The following STK32A variants were observed in gnomAD, a reference collection of about 807,000 sequenced individuals.
The protein encoded by STK32A is serine/threonine-protein kinase 32A.
Under a neutral mutation model 53.2 loss-of-function variants are expected in STK32A, and 41 were observed. That is an observed-to-expected ratio of 0.77 (90% CI 0.60 to 1.00). The LOEUF (loss-of-function observed/expected upper bound fraction) is 1.00. Ranked by LOEUF, STK32A falls within the 50% of genes least tolerant of loss-of-function variation. The pLI, the probability that STK32A is intolerant of heterozygous loss-of-function variation, is 0.00. For missense variants in STK32A, 458 were observed against 485.8 expected (o/e 0.94, Z 0.54); for synonymous variants, 166 against 162.8 (o/e 1.02, Z -0.15).
In STK32A at chr5:147,282,072, C is replaced by T. The variant is rs567215732; in HGVS notation, c.260+2674C>T. ...CAAATGCTGAGAGAAATTGCCATTA[C>T]CAAGTCACCACTACAAGAACCGCTA... On this transcript the variant is annotated intron_variant, in intron 4 of 12. Transcript: ENST00000397936. Among the ~76,000 whole-genome samples, 3 of 152,222 alleles carry T rather than the reference C, an allele frequency of 2.0e-5. No homozygotes were observed. In the South Asian group the frequency reaches 6.2e-4, roughly 32 times the overall value.
rs73794707 is a variant in STK32A, at chr5:147,384,511, A to G, written c.*528A>G. 7.8e-7 allele frequency: 1 copy of G among 1,275,186 alleles called. No homozygotes were observed. Among genetic ancestry groups the G allele is most frequent in the Non-Finnish European group, 1.1e-6 (1 of 915,256 alleles). The allele number at this position is 1,275,186 out of a possible 1,614,324, so 79.0% of individuals were successfully genotyped here. ...AGGGAGGCATGAATGGAATCAGATT[A>G]AAAGTAACAGAGATGGATGAGGGCC... On this transcript the variant is annotated 3_prime_UTR_variant, in exon 13 of 13. Transcript: ENST00000397936.
At chr5:147,256,726 G>A (rs776739539) in intron 2 of STK32A, among the ~76,000 whole-genome samples, 1 of 152,048 alleles carries the variant, frequency 6.6e-6, no homozygotes, top group Admixed American at 6.6e-5. Flanking sequence ...TGGTCAGGCT[G>A]GTCTTGAACT....
At chr5:147,278,247 A>G (rs1217329410) in intron 3 of STK32A, 68 bp downstream of exon 3, 2 of 1,311,334 alleles carry the variant, frequency 1.5e-6, no homozygotes, top group East Asian at 2.5e-5. Context: ...GGGTCCAGAA[A>G]TGTTCACATT....
chr5:147,400,678 C>T, the STK32A span: 4 of 1,613,052 alleles, frequency 2.5e-6, no homozygotes, highest in South Asian at 4.4e-5. Context: ...CCTCCCATGA[C>T]CTCCATGCCT....
intron 4 of STK32A, among the ~76,000 whole-genome samples, chr5:147,304,933 G>C (rs1165134535): frequency 1.3e-5 from 2 of 151,988 alleles, no homozygotes; most frequent in Non-Finnish European, 2.9e-5. Flanking sequence ...AACATAGTGA[G>C]AACTCATCTC....
chr5:147,288,262 A>G (rs1033764402), intron 4 of STK32A, among the ~76,000 whole-genome samples: 5 of 151,386 alleles, frequency 3.3e-5, no homozygotes, highest in African/African-American at 1.2e-4. Flanking sequence ...TACAACAGCA[A>G]CTCCCTTTGT....
chr5:147,339,701 G>A (rs533058040), intron 5 of STK32A, among the ~76,000 whole-genome samples: 67 of 152,404 alleles, frequency 4.4e-4, no homozygotes, highest in East Asian at 3.7e-3. Flanking sequence ...TTACATCAGC[G>A]TGACCTGGAT....
chr5:147,379,761 C>T (rs138393887), intron 11 of STK32A, among the ~76,000 whole-genome samples: 1 of 152,300 alleles, frequency 6.6e-6, no homozygotes, highest in African/African-American at 2.4e-5. Context: ...GCTCTAACCC[C>T]TTCCAATATT....
rs144736077 is a variant in STK32A at position 147,385,055 on chromosome 5, G to A, written c.*1072G>A. The A allele has an allele frequency of 6.6e-6, 1 of 152,240 alleles. No individual in the cohort carries two copies. The highest frequency in any genetic ancestry group is 1.9e-4 in the East Asian group (1 of 5,176). The allele number at this position is 152,240 out of a possible 1,614,324, so 9.4% of individuals were successfully genotyped here. On this transcript the variant is annotated 3_prime_UTR_variant, in exon 13 of 13. Transcript: ENST00000397936. ...ATTGCTTTTGTTTTGTTTTGACTTA[G>A]TTATTTTTATTTTTGGTCTCATTTT...
chr5:147,241,289 T>C (rs1422072998), intron 2 of STK32A, among the ~76,000 whole-genome samples: 1 of 152,128 alleles, frequency 6.6e-6, no homozygotes, highest in East Asian at 1.9e-4. Context: ...CCATCCTGGC[T>C]AACACGGTGA....
At chr5:147,250,144 T>C (rs1307822681) in intron 2 of STK32A, among the ~76,000 whole-genome samples, 1 of 152,062 alleles carries the variant, frequency 6.6e-6, no homozygotes, top group Non-Finnish European at 1.5e-5. Flanking sequence ...GACTGTGACA[T>C]TTTACTAAGA....
the STK32A span, chr5:147,401,707 C>T: frequency 2.6e-5 from 42 of 1,613,864 alleles, no homozygotes; most frequent in East Asian, 2.9e-4. Flanking sequence ...CTAGAAGGGG[C>T]AGGAAACAGA....
chr5:147,347,689 G>A lies in STK32A; in HGVS notation c.473-3376G>A, dbSNP rs549533822. ...TGGGCTAATGAAAAAAGCCAGAGAA[G>A]TCCTTCATTCCCAAGGCAATTCCTG... is the stretch of plus-strand genomic sequence containing the variant. On this transcript the variant is annotated intron_variant, in intron 6 of 12. Coordinates refer to ENST00000397936, the MANE Select transcript of STK32A (RefSeq NM_001112724.2). 6.6e-5 allele frequency among the ~76,000 whole-genome samples: 10 copies of A among 152,328 alleles called. 1 individual carries two copies. The highest frequency in any genetic ancestry group is 5.9e-4 in the Admixed American group (9 of 15,310).
intron 4 of STK32A, among the ~76,000 whole-genome samples, chr5:147,323,423 T>C (rs933145205): frequency 2.6e-5 from 4 of 152,214 alleles, no homozygotes; most frequent in Non-Finnish European, 5.9e-5. Flanking sequence ...TTATCATTAA[T>C]GTGGGACATG....
At chr5:147,341,956 T>C (rs1755436773) in intron 5 of STK32A, among the ~76,000 whole-genome samples, 3 of 152,128 alleles carry the variant, frequency 2.0e-5, no homozygotes, top group African/African-American at 7.2e-5. Flanking sequence ...ACTTGGAGGA[T>C]AGAATGATAG....
chr5:147,383,354 T>C, intron 11 of STK32A, 87 bp from the exon 12 acceptor site: 1 of 1,096,788 alleles, frequency 9.1e-7, no homozygotes, highest in Non-Finnish European at 1.4e-6. Context: ...ATTCATTGAA[T>C]AGACTGTCAC....
intron 1 of STK32A, among the ~76,000 whole-genome samples, chr5:147,236,215 G>C (rs1753310057): frequency 6.6e-6 from 1 of 152,132 alleles, no homozygotes; most frequent in Non-Finnish European, 1.5e-5. Flanking sequence ...TTGGTATTAG[G>C]GAACTATTTC....
intron 1 of STK32A, among the ~76,000 whole-genome samples, chr5:147,236,422 C>T (rs1183296693): frequency 6.6e-6 from 1 of 151,916 alleles, no homozygotes; most frequent in Admixed American, 6.6e-5. Context: ...TCAGGAAGGG[C>T]TGGGGGGTTG....
At chr5:147,285,786 A>G (rs13165470) in intron 4 of STK32A, among the ~76,000 whole-genome samples, 9 of 152,116 alleles carry the variant, frequency 5.9e-5, no homozygotes, top group African/African-American at 2.2e-4. Flanking sequence ...AAAAAATCAA[A>G]AAACAGCAGA....
Sources: allele counts gnomAD v4.1 joint callset (sites outside exome capture counted in the v4.1 genomes callset), GRCh38; gene constraint gnomAD v4.1.1; transcripts MANE v1.5; gene names NCBI Gene and HGNC (gene_info 2026-07-23, HGNC 2026-07-21).